The following MACROD2 variants were observed in gnomAD, a reference collection of about 807,000 sequenced individuals.
The protein encoded by MACROD2 is mono-ADP ribosylhydrolase 2.
Under a neutral mutation model 70.4 loss-of-function variants are expected in MACROD2, and 36 were observed. The ratio of observed to expected loss-of-function variants is 0.51; its 90% CI spans 0.39 to 0.68. The LOEUF (loss-of-function observed/expected upper bound fraction) is 0.68, where lower values mean the gene tolerates loss of function less well. Ranked by LOEUF, MACROD2 falls within the 30% of genes least tolerant of loss-of-function variation. The pLI, the probability that MACROD2 is intolerant of heterozygous loss-of-function variation, is 0.00. For synonymous variants in MACROD2, 172 were observed against 178.8 expected (o/e 0.96, Z 0.30); for missense variants, 496 against 538.4 (o/e 0.92, Z 0.78).
chr20:15,068,788 C>T (rs1283982395), intron 5 of MACROD2, among the ~76,000 whole-genome samples: 1 of 152,046 alleles, frequency 6.6e-6, no homozygotes, highest in Non-Finnish European at 1.5e-5. Context: ...TCCTTTATAG[C>T]AATAAAAAAT....
intron 8 of MACROD2, among the ~76,000 whole-genome samples, chr20:15,856,215 C>T (rs183408943): frequency 3.5e-4 from 53 of 152,160 alleles, no homozygotes; most frequent in African/African-American, 1.2e-3. Flanking sequence ...TTGATATTGT[C>T]TTTTCATTTT....
At chr20:15,225,964 G>A (rs2076902469) in intron 5 of MACROD2, among the ~76,000 whole-genome samples, 1 of 152,158 alleles carries the variant, frequency 6.6e-6, no homozygotes, top group Admixed American at 6.5e-5. Context: ...CATTTTCTCT[G>A]GAGATAGTGC....
intron 5 of MACROD2, chr20:14,934,015 A>G (rs1340630379): frequency 6.6e-6 from 1 of 152,208 alleles, no homozygotes; most frequent in Non-Finnish European, 1.5e-5. Context: ...AAGGTTAAAT[A>G]ACTTGTCAAG....
intron 15 of MACROD2, among the ~76,000 whole-genome samples, 153 bp from the exon 16 acceptor site, chr20:16,041,048 C>T (rs1462399287): frequency 6.6e-6 from 1 of 152,010 alleles, no homozygotes; most frequent in Non-Finnish European, 1.5e-5. Flanking sequence ...CAACTCAACC[C>T]TCTGTTTCCT....
At chr20:15,501,364 T>A (rs2146494022) in intron 8 of MACROD2, among the ~76,000 whole-genome samples, 1 of 152,328 alleles carries the variant, frequency 6.6e-6, no homozygotes, top group African/African-American at 2.4e-5. Flanking sequence ...TTTTCATGCA[T>A]CATCTTGGGA....
intron 5 of MACROD2, among the ~76,000 whole-genome samples, chr20:15,107,400 T>C (rs1252599313): frequency 4.6e-5 from 7 of 152,190 alleles, no homozygotes; most frequent in Admixed American, 1.3e-4. Flanking sequence ...CAAGCTCTTT[T>C]AATTTTGCTA....
intron 3 of MACROD2, among the ~76,000 whole-genome samples, chr20:14,159,829 T>C (rs918839572): frequency 1.3e-5 from 2 of 152,198 alleles, no homozygotes; most frequent in Non-Finnish European, 2.9e-5. Flanking sequence ...TTTCTGGTTT[T>C]CCTCATTGAG....
At chr20:14,076,617 T>G (rs1247422631) in intron 2 of MACROD2, among the ~76,000 whole-genome samples, 2 of 152,178 alleles carry the variant, frequency 1.3e-5, no homozygotes, top group African/African-American at 4.8e-5. Flanking sequence ...AGTTGGAGGT[T>G]GCAGTGAGCT....
At chr20:14,164,207 C>T (rs558916392) in intron 3 of MACROD2, among the ~76,000 whole-genome samples, 51 of 152,094 alleles carry the variant, frequency 3.4e-4, no homozygotes, top group African/African-American at 7.5e-4. Flanking sequence ...ATTTCTTTGG[C>T]GCTAAACAGC....
chr20:14,809,468 C>T lies in MACROD2; in HGVS notation c.418+124509C>T, dbSNP rs146915547. Among the ~76,000 whole-genome samples, 569 of 152,008 alleles carry T rather than the reference C, an allele frequency of 3.7e-3. 8 individuals carry two copies. Among genetic ancestry groups the T allele is most frequent in the African/African-American group, 0.013 (543 of 41,486 alleles). On this transcript the variant is annotated intron_variant, in intron 5 of 17. Coordinates refer to ENST00000684519, the MANE Select transcript of MACROD2 (RefSeq NM_001351661.2). ...AGGGAAATTTATAGCACTAAATGCC[C>T]ACAAGAGAAAGCAGGAAACACCTAA...
chr20:14,348,673 A>G (rs1601516752), intron 3 of MACROD2, among the ~76,000 whole-genome samples: 3 of 152,324 alleles, frequency 2.0e-5, no homozygotes, highest in African/African-American at 7.2e-5. Flanking sequence ...TATCTTTAAT[A>G]TGTGATGCTT....
chr20:15,422,586 A>G (rs2046244395), intron 6 of MACROD2, among the ~76,000 whole-genome samples: 1 of 152,210 alleles, frequency 6.6e-6, no homozygotes, highest in African/African-American at 2.4e-5. Context: ...CAGATAATGC[A>G]CATAGAGCTC....
intron 8 of MACROD2, among the ~76,000 whole-genome samples, chr20:15,745,045 C>T (rs1223436736): frequency 6.6e-6 from 1 of 152,100 alleles, no homozygotes; most frequent in Admixed American, 6.5e-5. Flanking sequence ...TTACTTATAA[C>T]GTTTAAGTTT....
intron 8 of MACROD2, among the ~76,000 whole-genome samples, chr20:15,781,517 T>C (rs1396926775): frequency 6.6e-6 from 1 of 152,192 alleles, no homozygotes; most frequent in African/African-American, 2.4e-5. Flanking sequence ...TGATGAGGGC[T>C]ATCTCTGCTT....
intron 5 of MACROD2, among the ~76,000 whole-genome samples, chr20:14,902,683 A>C (rs2122555984): frequency 6.6e-6 from 1 of 152,266 alleles, no homozygotes; most frequent in South Asian, 2.1e-4. Flanking sequence ...GACTGAAAAA[A>C]ATAGGGACCT....
intron 5 of MACROD2, among the ~76,000 whole-genome samples, chr20:14,994,016 G>C (rs914222732): frequency 6.6e-6 from 1 of 152,010 alleles, no homozygotes; most frequent in African/African-American, 2.4e-5. Context: ...CTTCAAGAAG[G>C]CATCAGGCAT....
intron 4 of MACROD2, among the ~76,000 whole-genome samples, chr20:14,536,703 TAA>T (rs954347596): frequency 6.6e-5 from 10 of 151,456 alleles, no homozygotes; most frequent in East Asian, 2.0e-4. Context: ...ATGTATACAT[TAA>T]GTCACATTTT....
chr20:15,083,769 G>A (rs1002069934), intron 5 of MACROD2, among the ~76,000 whole-genome samples: 2 of 152,078 alleles, frequency 1.3e-5, no homozygotes, highest in South Asian at 4.1e-4. Context: ...TACATCATGG[G>A]TGGCTAGAGG....
At chr20:15,276,754 G>A (rs571125074) in intron 6 of MACROD2, among the ~76,000 whole-genome samples, 117 of 152,192 alleles carry the variant, frequency 7.7e-4, no homozygotes, top group Non-Finnish European at 8.2e-4. Context: ...TAGCAGATGA[G>A]AATAGAGGGA....
Sources: gnomAD v4.1 joint callset for allele counts (sites outside exome capture counted in the v4.1 genomes callset) on GRCh38, gnomAD v4.1.1 for gene constraint, MANE v1.5 for transcripts, NCBI Gene and HGNC (gene_info 2026-07-23, HGNC 2026-07-21) for gene names.